Variants in HS3ST3A1 observed in about 807,000 individuals in gnomAD.
HS3ST3A1 encodes heparan sulfate glucosamine 3-O-sulfotransferase 3A1.
HS3ST3A1 carries 19 observed loss-of-function variants against 25.7 expected under a neutral mutation model. That is an observed-to-expected ratio of 0.74 (90% CI 0.52 to 1.08). The LOEUF is 1.08. Among genes scored for constraint, HS3ST3A1 ranks in the 50% least tolerant of loss-of-function variants. The pLI is 0.00. For missense variants in HS3ST3A1, 459 were observed against 594.3 expected, an observed-to-expected ratio of 0.77 and a Z score of 2.37; for synonymous variants, 226 against 278.6, an observed-to-expected ratio of 0.81 and a Z score of 1.88.
intron 1 of HS3ST3A1, among the ~76,000 whole-genome samples, chr17:13,578,158 A>G (rs1233692026): frequency 6.6e-6 from 1 of 152,160 alleles, no homozygotes; most frequent in East Asian, 1.9e-4. Context: ...ATCAAGTTAA[A>G]CATTGAACAA....
chr17:13,510,845 C>T (rs2142306290), intron 1 of HS3ST3A1, among the ~76,000 whole-genome samples: 1 of 152,274 alleles, frequency 6.6e-6, no homozygotes, highest in African/African-American at 2.4e-5. Flanking sequence ...GCTGGGATTA[C>T]AGGCACCCAC....
chr17:13,542,720 T>C (rs1316024604), intron 1 of HS3ST3A1, among the ~76,000 whole-genome samples: 3 of 152,014 alleles, frequency 2.0e-5, no homozygotes, highest in South Asian at 2.1e-4. Flanking sequence ...ATAAATTTCT[T>C]TGTGAATGTT....
At chr17:13,544,360 G>A (rs1907023528) in intron 1 of HS3ST3A1, among the ~76,000 whole-genome samples, 1 of 152,212 alleles carries the variant, frequency 6.6e-6, no homozygotes, top group African/African-American at 2.4e-5. Flanking sequence ...ATCTGCACAA[G>A]CTGTGAGTGT....
intron 1 of HS3ST3A1, among the ~76,000 whole-genome samples, chr17:13,573,248 C>T (rs891671142): frequency 1.6e-4 from 24 of 152,190 alleles, no homozygotes; most frequent in African/African-American, 5.5e-4. Flanking sequence ...CCAATGCCCA[C>T]AGGAAGGCTT....
chr17:13,496,828 G>T lies in HS3ST3A1; in HGVS notation c.600-10C>A, dbSNP rs763950649. 4 of 1,607,670 alleles carry T rather than the reference G, an allele frequency of 2.5e-6. No individual in the cohort carries two copies. The East Asian group carries it at 8.9e-5, about 36-fold the overall frequency. On this transcript the variant is annotated splice_polypyrimidine_tract_variant and intron_variant, in intron 1 of 1. Transcript: ENST00000284110. ...TCTGGGCATCAGGTCCCTGAGAAAC[G>T]CAAAAAGGCATGTCAGAGATGTGCA...
chr17:13,526,842 C>A (rs917451974), intron 1 of HS3ST3A1, among the ~76,000 whole-genome samples: 13 of 151,658 alleles, frequency 8.6e-5, no homozygotes, highest in Non-Finnish European at 1.9e-4. Flanking sequence ...TTAGTAGAGA[C>A]GAGTTTCTCC....
At chr17:13,532,658 G>A (rs1906638454) in intron 1 of HS3ST3A1, among the ~76,000 whole-genome samples, 1 of 152,074 alleles carries the variant, frequency 6.6e-6, no homozygotes, top group African/African-American at 2.4e-5. Context: ...AATATCTGCT[G>A]ATGGAATACT....
chr17:13,572,387 C>A (rs576092420), intron 1 of HS3ST3A1, among the ~76,000 whole-genome samples: 1 of 152,056 alleles, frequency 6.6e-6, no homozygotes, highest in African/African-American at 2.4e-5. Context: ...GGTGACCGCT[C>A]GGACCACTTT....
chr17:13,573,321 C>G (rs745968604), intron 1 of HS3ST3A1, among the ~76,000 whole-genome samples: 1 of 152,138 alleles, frequency 6.6e-6, no homozygotes, highest in Non-Finnish European at 1.5e-5. Flanking sequence ...TTTGTCTTCT[C>G]ACTTCCAAGC....
chr17:13,499,437 A>G (rs1905386926), intron 1 of HS3ST3A1, among the ~76,000 whole-genome samples: 1 of 152,236 alleles, frequency 6.6e-6, no homozygotes, highest in African/African-American at 2.4e-5. Context: ...GTGATAAGAA[A>G]GAGTATTTAT....
chr17:13,573,784 T>C (rs1450737536), intron 1 of HS3ST3A1, among the ~76,000 whole-genome samples: 3 of 152,148 alleles, frequency 2.0e-5, no homozygotes, highest in Admixed American at 2.0e-4. Context: ...TGGGGGCCTT[T>C]GCGAGGTGAT....
At chr17:13,587,097 A>G (rs983219022) in intron 1 of HS3ST3A1, among the ~76,000 whole-genome samples, 1 of 151,824 alleles carries the variant, frequency 6.6e-6, no homozygotes, top group African/African-American at 2.4e-5. Context: ...TAAGGTTCTC[A>G]TTACATTTCC....
At chr17:13,590,891 C>T (rs1049425997) in intron 1 of HS3ST3A1, among the ~76,000 whole-genome samples, 4 of 148,844 alleles carry the variant, frequency 2.7e-5, no homozygotes, top group African/African-American at 7.5e-5. Flanking sequence ...AGCAAGGTTC[C>T]GGGAGAGCAC....
chr17:13,585,186 CTTTTTTTTTTTTTTTTTTT>C (rs71144977), intron 1 of HS3ST3A1, among the ~76,000 whole-genome samples: 3 of 33,234 alleles, frequency 9.0e-5, no homozygotes, highest in African/African-American at 2.4e-4. Flanking sequence ...TTTTTCTGTG[CTTTTTTTTTTTTTTTTTTT>C]TTTTTTTTTT....
At chr17:13,510,588 T>G (rs1905828914) in intron 1 of HS3ST3A1, among the ~76,000 whole-genome samples, 1 of 152,242 alleles carries the variant, frequency 6.6e-6, no homozygotes. Flanking sequence ...TCTTTTAAGT[T>G]TGAACCAGGA....
chr17:13,565,934 C>CT (rs1178338622), intron 1 of HS3ST3A1, among the ~76,000 whole-genome samples: 1 of 152,160 alleles, frequency 6.6e-6, no homozygotes, highest in African/African-American at 2.4e-5. Context: ...ACAGTTCCAT[C>CT]TTTTTATCTC....
chr17:13,529,208 T>G (rs2142329542), intron 1 of HS3ST3A1, among the ~76,000 whole-genome samples: 1 of 152,352 alleles, frequency 6.6e-6, no homozygotes, highest in Admixed American at 6.5e-5. Flanking sequence ...AATGAATTAC[T>G]TGTCCCATGG....
chr17:13,589,492 C>T (rs1908362425), intron 1 of HS3ST3A1, among the ~76,000 whole-genome samples: 1 of 152,136 alleles, frequency 6.6e-6, no homozygotes, highest in South Asian at 2.1e-4. Flanking sequence ...GGGGAAAGCC[C>T]TTTTGAACAA....
In HS3ST3A1 at chr17:13,601,399, G is replaced by C. The variant is rs546641734; in HGVS notation, c.-270C>G. ...CTTAAGAAACCATCGTCTTAGACTC[G>C]CCCAAGTCCTGAGCTTGGGGCAGCC... On this transcript the variant is annotated 5_prime_UTR_variant, in exon 1 of 2. Coordinates refer to ENST00000284110, the MANE Select transcript of HS3ST3A1 (RefSeq NM_006042.3). 1 of 398,308 alleles carries C rather than the reference G, an allele frequency of 2.5e-6. No homozygotes were observed. Among genetic ancestry groups the C allele is most frequent in the East Asian group, 4.2e-5 (1 of 23,702 alleles). The allele number at this position is 398,308 out of a possible 1,614,324, so 24.7% of individuals were successfully genotyped here.
Sources: gnomAD v4.1 joint callset for allele counts (sites outside exome capture counted in the v4.1 genomes callset) on GRCh38, gnomAD v4.1.1 for gene constraint, MANE v1.5 for transcripts, NCBI Gene and HGNC (gene_info 2026-07-23, HGNC 2026-07-21) for gene names.